Variants in SBNO2 observed in about 807,000 individuals in gnomAD.
SBNO2 encodes the protein strawberry notch homolog 2, also known as protein strawberry notch homolog 2.
SBNO2 carries 89 observed loss-of-function variants against 146.3 expected under a neutral mutation model. The ratio of observed to expected loss-of-function variants is 0.61; its 90% CI spans 0.51 to 0.73. The LOEUF (loss-of-function observed/expected upper bound fraction) is 0.73, where lower values mean the gene tolerates loss of function less well. SBNO2 is among the 30% of genes least tolerant of loss of function. SBNO2 has a pLI of 0.00. For missense variants in SBNO2, 2,092 were observed against 2,003.7 expected (o/e 1.04, Z -0.84); for synonymous variants, 1,147 against 892.6 (o/e 1.29, Z -5.08).
chr19:1,168,699 A>G (rs1364852299), intron 1 of SBNO2: 2 of 152,242 alleles, frequency 1.3e-5, no homozygotes, highest in Non-Finnish European at 2.9e-5. Flanking sequence ...TTTACCTGAC[A>G]TGCAAAGGAA....
At chr19:1,135,045 CAAAAAAAAAAAA>C (rs201799961) in intron 4 of SBNO2, among the ~76,000 whole-genome samples, 4 of 51,238 alleles carry the variant, frequency 7.8e-5, no homozygotes, top group Non-Finnish European at 1.6e-4. Flanking sequence ...GACTCTGTCT[CAAAAAAAAAAAA>C]AAAAAAAAAA....
chr19:1,119,017 G>T lies in SBNO2; in HGVS notation c.1521C>A (p.Ala507=). The change falls in exon 14 of 32, where the codon GCC becomes GCA. Residue 507 remains alanine (A), a synonymous_variant. Transcript: ENST00000361757. ...GTCGGGTGCGCAGGCTCACCAGCAG[G>T]GCCGCGCGGTTGTAGACGCACTCGA... ...PAFECVYNRA[A]LLWAEALNVF... The T allele has an allele frequency of 6.3e-7, 1 of 1,593,136 alleles. No homozygotes were observed.
chr19:1,119,281 C>T (rs1568570594), intron 13 of SBNO2, 117 bp from the exon 14 acceptor site: 10 of 1,290,416 alleles, frequency 7.7e-6, no homozygotes, highest in African/African-American at 2.9e-5. Context: ...AGAGCCCTGG[C>T]GGCCACTGAG....
At position 1,140,900 on chromosome 19, in the gene SBNO2, C is replaced by T. The variant is rs975498427; in HGVS notation, c.279+6409G>A. Among the ~76,000 whole-genome samples the T allele has an allele frequency of 3.9e-5, 6 of 152,172 alleles. No individual in the cohort carries two copies. Among genetic ancestry groups the T allele is most frequent in the Non-Finnish European group, 8.8e-5 (6 of 68,028 alleles). On this transcript the variant is annotated intron_variant, in intron 4 of 31. Coordinates refer to ENST00000361757, the MANE Select transcript of SBNO2 (RefSeq NM_014963.3). The surrounding 1 kb of genome is among the most constrained non-coding windows in gnomAD (Gnocchi z 4.4). ...ACAACACGCGCAACGCCAGGCACTCCGGTCCACGCCGCACTGTACATGGTG... is the reference window on the plus strand; with the variant it reads ...ACAACACGCGCAACGCCAGGCACTCTGGTCCACGCCGCACTGTACATGGTG...
intron 4 of SBNO2, among the ~76,000 whole-genome samples, chr19:1,133,501 G>A (rs1003864230): frequency 6.6e-6 from 1 of 152,194 alleles, no homozygotes; most frequent in East Asian, 1.9e-4. Flanking sequence ...CAGCCCCACT[G>A]GGGCCCCGCG....
intron 4 of SBNO2, among the ~76,000 whole-genome samples, chr19:1,146,736 C>T (rs976097723): frequency 5.8e-5 from 8 of 137,438 alleles, no homozygotes; most frequent in East Asian, 4.5e-4. Flanking sequence ...GGGTGGGGTC[C>T]GCCTGATGCC....
intron 4 of SBNO2, among the ~76,000 whole-genome samples, chr19:1,139,624 G>A (rs970231809): frequency 1.3e-5 from 2 of 152,030 alleles, no homozygotes; most frequent in Non-Finnish European, 2.9e-5. Flanking sequence ...GTGAAACCCC[G>A]TCTCTACTAA....
chr19:1,108,761 C>A lies in SBNO2; in HGVS notation c.3616+18G>T, dbSNP rs748540310. 3.1e-6 allele frequency: 5 copies of A among 1,596,466 alleles called. No individual in the cohort carries two copies. The highest frequency in any genetic ancestry group is 1.1e-5 in the South Asian group (1 of 90,396). On this transcript the variant is annotated intron_variant, in intron 31 of 31. Transcript: ENST00000361757. Reference sequence around the variant, plus strand: ...GCTGGGGGCTCGGGCCTTCCCGGGGCGCCCGCCGCCCACTCACCCACTTGC... The same window carrying A: ...GCTGGGGGCTCGGGCCTTCCCGGGGAGCCCGCCGCCCACTCACCCACTTGC...
At chr19:1,148,060 AG>A (rs1304050068) in intron 3 of SBNO2, among the ~76,000 whole-genome samples, 2 of 151,876 alleles carry the variant, frequency 1.3e-5, no homozygotes, top group Non-Finnish European at 2.9e-5. Flanking sequence ...CGCTTGGGAG[AG>A]GGGTGGCCGC....
chr19:1,145,106 T>G (rs576443561), intron 4 of SBNO2, among the ~76,000 whole-genome samples: 100 of 120,070 alleles, frequency 8.3e-4, no homozygotes, highest in African/African-American at 1.3e-3. Flanking sequence ...CAGAGAGAGA[T>G]TGAGAGGGAG....
chr19:1,126,716 G>A lies in SBNO2; in HGVS notation c.441+888C>T, dbSNP rs1266806815. Among the ~76,000 whole-genome samples, 1 of 152,202 alleles carries A rather than the reference G, an allele frequency of 6.6e-6. No individual in the cohort carries two copies. Among genetic ancestry groups the A allele is most frequent in the Non-Finnish European group, 1.5e-5 (1 of 68,026 alleles). ...GAGCCCACCACTGTGCCGGGAGCGT[G>A]CGGAGGCTGGCATGGGCCCTCACCG... On this transcript the variant is annotated intron_variant, in intron 5 of 31. Transcript: ENST00000361757. This position sits in a 1 kb window ranked among gnomAD's most constrained non-coding sequence, Gnocchi z 4.4.
At chr19:1,154,720 G>A (rs2080273570) in intron 1 of SBNO2, among the ~76,000 whole-genome samples, 1 of 152,200 alleles carries the variant, frequency 6.6e-6, no homozygotes, top group Non-Finnish European at 1.5e-5. Context: ...GTGAGCAGTG[G>A]AGCTGCAGGC....
chr19:1,146,442 C>T (rs933872483), intron 4 of SBNO2, among the ~76,000 whole-genome samples: 3 of 152,172 alleles, frequency 2.0e-5, no homozygotes, highest in Non-Finnish European at 4.4e-5. Flanking sequence ...ATCTGGCCGG[C>T]TTGCGCCCAT....
rs991049375 is a variant in SBNO2, at chr19:1,109,982, C to G, written c.3029-205G>C. 1.3e-5 allele frequency among the ~76,000 whole-genome samples: 2 copies of G among 151,570 alleles called. No individual in the cohort carries two copies. Among genetic ancestry groups the G allele is most frequent in the African/African-American group, 4.9e-5 (2 of 41,086 alleles). ...GCAACCGCTCAGGTCCTAGGTAACC[C>G]CGAGCAGGCTGTGGGGGATCGTGGG... On this transcript the variant is annotated intron_variant, in intron 26 of 31. Transcript: ENST00000361757. The surrounding 1 kb of genome is among the most constrained non-coding windows in gnomAD (Gnocchi z 4.2).
chr19:1,152,397 G>A (rs550763233), intron 2 of SBNO2, among the ~76,000 whole-genome samples: 2 of 152,308 alleles, frequency 1.3e-5, no homozygotes, highest in Non-Finnish European at 2.9e-5. Flanking sequence ...AGTCCCCAGG[G>A]TGTGTTTCCG....
chr19:1,113,360 G>C (rs1325831772), intron 19 of SBNO2, among the ~76,000 whole-genome samples, 175 bp downstream of exon 19: 1 of 152,168 alleles, frequency 6.6e-6, no homozygotes, highest in Non-Finnish European at 1.5e-5. Context: ...TGGCCTCCCG[G>C]GCCGAGCTGG....
At chr19:1,132,563 C>T (rs1296302757) in intron 4 of SBNO2, among the ~76,000 whole-genome samples, 1 of 152,214 alleles carries the variant, frequency 6.6e-6, no homozygotes, top group Non-Finnish European at 1.5e-5. Context: ...AGCTGCTGTT[C>T]CTGGTGCCCC....
At position 1,122,806 on chromosome 19, in the gene SBNO2, C is replaced by T; in HGVS notation, c.781-15G>A. The T allele has an allele frequency of 6.5e-7, 1 of 1,538,124 alleles. No individual in the cohort carries two copies. ...ACCTCGTGTTGCTGTTGCCGGAGAG[C>T]AGGCGTCAGGGCCTGGGGGTGCTGG... On this transcript the variant is annotated splice_polypyrimidine_tract_variant and intron_variant, in intron 8 of 31. Transcript: ENST00000361757.
At position 1,114,379 on chromosome 19, in the gene SBNO2, G is replaced by A. The variant is rs372356942; in HGVS notation, c.1929C>T (p.Cys643=). Residue 643 remains cysteine (C), a synonymous_variant, in exon 18 of 32, where the codon TGC becomes TGT. Coordinates refer to ENST00000361757, the MANE Select transcript of SBNO2 (RefSeq NM_014963.3). ...GRGAKAPRLA[C]ETAGVIRISD... is the part of the protein sequence containing the mutation. ...TGATGCGGATGACGCCCGCTGTCTC[G>A]CACGCCAGCCGGGGGGCTTTGGCCC... is the stretch of plus-strand genomic sequence containing the variant. The A allele has an allele frequency of 1.2e-5, 19 of 1,553,386 alleles. No individual in the cohort carries two copies. The highest frequency in any genetic ancestry group is 1.7e-4 in the Middle Eastern group (1 of 5,964).
Sources: gnomAD v4.1 joint callset for allele counts (sites outside exome capture counted in the v4.1 genomes callset) on GRCh38, gnomAD v4.1.1 for gene constraint, Gnocchi (gnomAD v3.1) non-coding constraint, MANE v1.5 for transcripts, NCBI Gene and HGNC (gene_info 2026-07-23, HGNC 2026-07-21) for gene names.